The following TUB variants were observed in gnomAD, a reference collection of about 807,000 sequenced individuals.
The protein encoded by TUB is TUB bipartite transcription factor.
In TUB, 33 loss-of-function variants were observed where a neutral mutation model predicts 59.7. That is an observed-to-expected ratio of 0.55 (90% CI 0.42 to 0.74). The LOEUF is 0.74. TUB is among the 30% of genes least tolerant of loss of function. The pLI, the probability that TUB is intolerant of heterozygous loss-of-function variation, is 0.00. For synonymous variants in TUB, 293 were observed against 256.4 expected, an observed-to-expected ratio of 1.14 and a Z score of -1.36; for missense variants, 659 against 672.0, an observed-to-expected ratio of 0.98 and a Z score of 0.21.
intron 2 of TUB, among the ~76,000 whole-genome samples, chr11:8,061,768 G>T (rs2133774953): frequency 6.6e-6 from 1 of 152,208 alleles, no homozygotes; most frequent in East Asian, 1.9e-4. Context: ...TGGACCCCAG[G>T]ATCCCAGGCT....
chr11:8,081,613 C>T (rs1943566053), intron 1 of TUB, 65 bp downstream of exon 1: 3 of 1,439,772 alleles, frequency 2.1e-6, no homozygotes, highest in Non-Finnish European at 1.8e-6. Flanking sequence ...GCTGGGGATA[C>T]GCGGCCGGGG....
At chr11:8,094,467 C>T (rs1211129677) in intron 4 of TUB, among the ~76,000 whole-genome samples, 1 of 152,222 alleles carries the variant, frequency 6.6e-6, no homozygotes, top group Non-Finnish European at 1.5e-5. Context: ...CCTCAGCTAC[C>T]TTGGCCTGAG....
chr11:8,065,291 C>T (rs1475085035), intron 2 of TUB, among the ~76,000 whole-genome samples: 1 of 152,156 alleles, frequency 6.6e-6, no homozygotes, highest in Non-Finnish European at 1.5e-5. Context: ...TCCTGGCCTG[C>T]TCCCCATGGG....
intron 2 of TUB, among the ~76,000 whole-genome samples, chr11:8,062,737 G>A (rs529477364): frequency 4.6e-5 from 7 of 152,102 alleles, no homozygotes; most frequent in South Asian, 2.1e-4. Context: ...GGGACTCTAG[G>A]GCAGGGCCCA....
At chr11:8,053,176 T>C (rs980652752) in intron 2 of TUB, among the ~76,000 whole-genome samples, 1 of 152,262 alleles carries the variant, frequency 6.6e-6, no homozygotes, top group Non-Finnish European at 1.5e-5. Context: ...TAATGTGATG[T>C]ATTAGATTAA....
chr11:8,036,391 C>G (rs552351681), upstream of TUB, among the ~76,000 whole-genome samples: 1 of 152,336 alleles, frequency 6.6e-6, no homozygotes, highest in South Asian at 2.1e-4. Flanking sequence ...CACTCTGCCA[C>G]TTAAATTCCC....
upstream of TUB, among the ~76,000 whole-genome samples, chr11:8,080,780 C>T (rs1943535916): frequency 6.6e-6 from 1 of 152,122 alleles, no homozygotes; most frequent in Admixed American, 6.5e-5. Context: ...TGTGGGAACT[C>T]GGAGGTGGGG....
intron 1 of TUB, among the ~76,000 whole-genome samples, chr11:8,032,798 G>A (rs914512202): frequency 5.3e-5 from 8 of 152,172 alleles, no homozygotes; most frequent in Admixed American, 6.5e-5. Flanking sequence ...AATGACTGGG[G>A]CAACAATTTC....
chr11:8,084,154 G>C (rs1332776509), intron 1 of TUB, among the ~76,000 whole-genome samples: 1 of 152,110 alleles, frequency 6.6e-6, no homozygotes, highest in Non-Finnish European at 1.5e-5. Context: ...GGGTTGGCTG[G>C]CTTCTTGCTG....
upstream of TUB, among the ~76,000 whole-genome samples, chr11:8,037,640 A>T (rs1156392503): frequency 6.6e-6 from 1 of 152,188 alleles, no homozygotes; most frequent in Non-Finnish European, 1.5e-5. Context: ...GAGGATGGAC[A>T]TGGAGGGGAA....
intron 1 of TUB, among the ~76,000 whole-genome samples, chr11:8,024,352 G>A (rs1321178756): frequency 2.0e-5 from 3 of 152,176 alleles, no homozygotes; most frequent in East Asian, 1.9e-4. Flanking sequence ...ATCTTCGGCC[G>A]GGCCACCAAT....
chr11:8,086,837 T>C (rs1943678118), intron 1 of TUB, among the ~76,000 whole-genome samples: 1 of 152,274 alleles, frequency 6.6e-6, no homozygotes, highest in East Asian at 1.9e-4. Flanking sequence ...TTTGGGGATG[T>C]CTGAGGTTTC....
chr11:8,080,578 T>C (rs573928241), upstream of TUB, among the ~76,000 whole-genome samples: 1 of 152,302 alleles, frequency 6.6e-6, no homozygotes, highest in South Asian at 2.1e-4. Flanking sequence ...ATTCCTATTC[T>C]CTGGGTTATA....
upstream of TUB, among the ~76,000 whole-genome samples, chr11:8,038,413 G>A (rs1246878452): frequency 6.6e-6 from 1 of 152,170 alleles, no homozygotes; most frequent in Non-Finnish European, 1.5e-5. Flanking sequence ...CACGATGTGT[G>A]CCCCTCCCAG....
At chr11:8,032,176 G>T (rs1227878088) in intron 1 of TUB, among the ~76,000 whole-genome samples, 1 of 152,126 alleles carries the variant, frequency 6.6e-6, no homozygotes, top group African/African-American at 2.4e-5. Flanking sequence ...TGAGATTGGG[G>T]GTCCACAGTG....
chr11:8,090,599 A>G (rs1053720921), intron 3 of TUB, among the ~76,000 whole-genome samples: 4 of 152,228 alleles, frequency 2.6e-5, no homozygotes, highest in African/African-American at 7.2e-5. Flanking sequence ...AATCCGTCTC[A>G]CTGTCCTGCC....
chr11:8,031,713 G>A (rs984450918), intron 1 of TUB, among the ~76,000 whole-genome samples: 4 of 152,230 alleles, frequency 2.6e-5, no homozygotes, highest in Admixed American at 1.3e-4. Context: ...CTGGCCATGC[G>A]CGATCTGCTG....
chr11:8,026,570 A>G (rs1942503075), intron 1 of TUB, among the ~76,000 whole-genome samples: 1 of 151,488 alleles, frequency 6.6e-6, no homozygotes, highest in South Asian at 2.1e-4. Context: ...ATGGAAAATC[A>G]GTTGATTATT....
In TUB at chr11:8,095,602, A is replaced by G; in HGVS notation, c.502A>G (p.Thr168Ala). ...QSDHAQDAGE[T>A]AAGGGERPSG... ...AGACCACGCCCAGGACGCAGGGGAG[A>G]CGGCAGCTGGTGGGGGCGAACGGCC... Residue 168 changes from threonine to alanine, a missense_variant, in exon 5 of 12, where the codon ACG becomes GCG. Thr to Ala is a moderately conservative substitution (Grantham distance 58, BLOSUM62 0). Transcript: ENST00000299506. 6.2e-7 allele frequency: 1 copy of G among 1,612,764 alleles called. No homozygotes were observed. Among genetic ancestry groups the G allele is most frequent in the Non-Finnish European group, 8.5e-7 (1 of 1,179,776 alleles).
Sources: gnomAD v4.1 joint callset for allele counts (sites outside exome capture counted in the v4.1 genomes callset) on GRCh38, gnomAD v4.1.1 for gene constraint, MANE v1.5 for transcripts, NCBI Gene and HGNC (gene_info 2026-07-23, HGNC 2026-07-21) for gene names.